SOX5: variants seen among roughly 807,000 people sequenced by gnomAD.
The protein encoded by SOX5 is transcription factor SOX-5.
A neutral mutation model predicts 92.0 loss-of-function variants in SOX5; 9 were observed. That is an observed-to-expected ratio of 0.10 (90% CI 0.06 to 0.17). The LOEUF is 0.17. Among genes scored for constraint, SOX5 ranks in the 10% least tolerant of loss-of-function variants. The pLI, the probability that SOX5 is intolerant of heterozygous loss-of-function variation, is 1.00. For missense variants in SOX5, 642 were observed against 944.5 expected (o/e 0.68, Z 4.20); for synonymous variants, 344 against 336.3 (o/e 1.02, Z -0.25).
chr12:24,228,707 G>A (rs542066709), intron 3 of SOX5, among the ~76,000 whole-genome samples: 108 of 152,188 alleles, frequency 7.1e-4, no homozygotes, highest in African/African-American at 2.4e-3. Flanking sequence ...ATGCATGCAT[G>A]CACACACCCC....
chr12:24,318,446 G>T (rs1260421142), intron 2 of SOX5, among the ~76,000 whole-genome samples: 1 of 152,128 alleles, frequency 6.6e-6, no homozygotes, highest in Non-Finnish European at 1.5e-5. Flanking sequence ...CTATGACATA[G>T]ATGAGCCTGT....
At chr12:24,166,672 G>T (rs986038693) in intron 4 of SOX5, among the ~76,000 whole-genome samples, 35 of 151,984 alleles carry the variant, frequency 2.3e-4, no homozygotes, top group African/African-American at 8.2e-4. Flanking sequence ...TTTTAATTTT[G>T]TCCCATTTAC....
chr12:24,371,005 A>T (rs1956682193), intron 1 of SOX5, among the ~76,000 whole-genome samples: 1 of 152,218 alleles, frequency 6.6e-6, no homozygotes, highest in South Asian at 2.1e-4. Context: ...CAGGAATGTG[A>T]ATATAATGGA....
At chr12:24,307,128 G>A (rs1311414533) in intron 2 of SOX5, among the ~76,000 whole-genome samples, 2 of 152,036 alleles carry the variant, frequency 1.3e-5, no homozygotes, top group Non-Finnish European at 2.9e-5. Flanking sequence ...GTCCAAGCTT[G>A]GAACAGGAGA....
chr12:23,979,876 CCTGGCTGGCTGGCTGGCTGGCTGG>C (rs71059955), intron 4 of SOX5, among the ~76,000 whole-genome samples: 1 of 132,934 alleles, frequency 7.5e-6, no homozygotes, highest in Non-Finnish European at 1.6e-5. Context: ...TGCTACCATG[CCTGGCTGGCTGGCTGGCTGGCTGG>C]CTGGCTGGCT....
At chr12:23,804,809 C>T (rs1280877062) in intron 3 of SOX5, among the ~76,000 whole-genome samples, 2 of 150,860 alleles carry the variant, frequency 1.3e-5, no homozygotes, top group African/African-American at 4.9e-5. Flanking sequence ...TTCATCACTC[C>T]ATCATGAAAT....
intron 4 of SOX5, among the ~76,000 whole-genome samples, chr12:24,064,573 T>C (rs956866695): frequency 2.0e-5 from 3 of 152,302 alleles, no homozygotes; most frequent in African/African-American, 7.2e-5. Flanking sequence ...AAATACAATA[T>C]AATTTTTAAA....
intron 2 of SOX5, among the ~76,000 whole-genome samples, chr12:24,285,233 G>T (rs1294180474): frequency 6.6e-6 from 1 of 152,032 alleles, no homozygotes; most frequent in Non-Finnish European, 1.5e-5. Context: ...TTTATTATCT[G>T]TTGGTAGAAC....
intron 2 of SOX5, among the ~76,000 whole-genome samples, chr12:24,312,260 G>A (rs1328734840): frequency 6.6e-6 from 1 of 152,092 alleles, no homozygotes; most frequent in Non-Finnish European, 1.5e-5. Flanking sequence ...TGATCACCTA[G>A]CTCCCCTCTC....
intron 4 of SOX5, among the ~76,000 whole-genome samples, chr12:24,106,899 G>A (rs1946759385): frequency 6.6e-6 from 1 of 151,212 alleles, no homozygotes. Flanking sequence ...CCCTAAAAGA[G>A]ATTATAAATT....
At chr12:24,539,678 C>G (rs976712362) in intron 1 of SOX5, among the ~76,000 whole-genome samples, 1 of 152,052 alleles carries the variant, frequency 6.6e-6, no homozygotes, top group Non-Finnish European at 1.5e-5. Flanking sequence ...TCACCTAAGT[C>G]TCTCTGGCAA....
intron 6 of SOX5, among the ~76,000 whole-genome samples, chr12:23,703,512 C>T (rs1447150565): frequency 2.0e-5 from 3 of 151,534 alleles, no homozygotes; most frequent in East Asian, 1.9e-4. Context: ...AAAAAATCAG[C>T]GAGTGAAAAA....
At position 23,883,914 on chromosome 12, in the gene SOX5, G is replaced by C. The variant is rs538592226; in HGVS notation, c.270+11879C>G. Among the ~76,000 whole-genome samples, 14 of 152,182 alleles carry C rather than the reference G, an allele frequency of 9.2e-5. No homozygotes were observed. The East Asian group carries it at 2.7e-3, about 29-fold the overall frequency. The stretch of plus-strand genomic sequence containing the variant: ...GAGATAATATCTCAGATTGAATAAT[G>C]ATCTTTCAATGACAAGAGATTGAGA... On this transcript the variant is annotated intron_variant, in intron 2 of 14. Coordinates refer to ENST00000451604, the MANE Select transcript of SOX5 (RefSeq NM_006940.6).
intron 3 of SOX5, among the ~76,000 whole-genome samples, chr12:24,239,712 G>A (rs993905540): frequency 6.6e-6 from 1 of 152,182 alleles, no homozygotes; most frequent in African/African-American, 2.4e-5. Flanking sequence ...ACACCCAGAA[G>A]TGAAAGTGGA....
intron 3 of SOX5, among the ~76,000 whole-genome samples, chr12:23,782,196 T>C (rs2095294742): frequency 6.6e-6 from 1 of 152,106 alleles, no homozygotes. Context: ...GTCATATTGA[T>C]ATTTCTTCAT....
At chr12:24,396,508 A>G (rs949387085) in intron 1 of SOX5, among the ~76,000 whole-genome samples, 3 of 152,216 alleles carry the variant, frequency 2.0e-5, no homozygotes, top group African/African-American at 7.2e-5. Context: ...CCCATTGTTC[A>G]TGCTGGCACG....
intron 4 of SOX5, among the ~76,000 whole-genome samples, chr12:24,129,718 A>C (rs1210520012): frequency 6.6e-6 from 1 of 152,238 alleles, no homozygotes; most frequent in Non-Finnish European, 1.5e-5. Context: ...AGGTTCTGAA[A>C]TCAAACTAGT....
intron 4 of SOX5, among the ~76,000 whole-genome samples, chr12:24,174,543 C>T (rs1046239122): frequency 4.6e-5 from 7 of 152,086 alleles, no homozygotes; most frequent in East Asian, 1.9e-4. Context: ...AAAAACAAGG[C>T]GGAAATAATT....
At chr12:24,006,571 T>C (rs1952189622) in intron 4 of SOX5, among the ~76,000 whole-genome samples, 1 of 152,122 alleles carries the variant, frequency 6.6e-6, no homozygotes, top group Admixed American at 6.5e-5. Flanking sequence ...GTTCTGTGCC[T>C]GGACCTGTGC....
Sources: gnomAD v4.1 joint callset for allele counts (sites outside exome capture counted in the v4.1 genomes callset) on GRCh38, gnomAD v4.1.1 for gene constraint, MANE v1.5 for transcripts, NCBI Gene and HGNC (gene_info 2026-07-23, HGNC 2026-07-21) for gene names.